The following MDGA2 variants were observed in gnomAD, a reference collection of about 807,000 sequenced individuals.
MDGA2 encodes the protein MAM domain containing glycosylphosphatidylinositol anchor 2, also known as MAM domain-containing glycosylphosphatidylinositol anchor protein 2.
MDGA2 carries 40 observed loss-of-function variants against 117.8 expected under a neutral mutation model. That is an observed-to-expected ratio of 0.34 (90% CI 0.26 to 0.44). The LOEUF (loss-of-function observed/expected upper bound fraction) is 0.44, where lower values mean the gene tolerates loss of function less well. MDGA2 is among the 20% of genes least tolerant of loss of function. The pLI is 1.00. For missense variants in MDGA2, 1,123 were observed against 1,250.6 expected, an observed-to-expected ratio of 0.90 and a Z score of 1.54; for synonymous variants, 452 against 439.0, an observed-to-expected ratio of 1.03 and a Z score of -0.37.
chr14:46,902,116 A>C (rs538224283), intron 10 of MDGA2, among the ~76,000 whole-genome samples: 39 of 152,150 alleles, frequency 2.6e-4, no homozygotes, highest in Non-Finnish European at 4.6e-4. Flanking sequence ...GTTTTATGCA[A>C]ACCATATGCC....
At chr14:47,487,848 T>G (rs1290655263) in intron 1 of MDGA2, among the ~76,000 whole-genome samples, 2 of 152,166 alleles carry the variant, frequency 1.3e-5, no homozygotes, top group African/African-American at 4.8e-5. Flanking sequence ...ACCCCCAAAA[T>G]GTCCATTATA....
At position 47,295,454 on chromosome 14, in the gene MDGA2, G is replaced by A. The variant is rs1364283597; in HGVS notation, c.420+5957C>T. Among the ~76,000 whole-genome samples, 42 of 152,076 alleles carry A rather than the reference G, an allele frequency of 2.8e-4. 1 individual carries two copies. Among genetic ancestry groups the A allele is most frequent in the Admixed American group, 2.7e-3 (41 of 15,270 alleles). Reference sequence around the variant, plus strand: ...CTTTCTACATATGACCTCATTGCAAGAATAAAGCAATGTAACTAAAATCTC... The same window carrying A: ...CTTTCTACATATGACCTCATTGCAAAAATAAAGCAATGTAACTAAAATCTC... On this transcript the variant is annotated intron_variant, in intron 2 of 16. Transcript: ENST00000399232.
intron 1 of MDGA2, among the ~76,000 whole-genome samples, chr14:47,468,430 T>C (rs867470654): frequency 2.0e-5 from 3 of 152,274 alleles, no homozygotes; most frequent in African/African-American, 4.8e-5. Context: ...CTGTGTGCTA[T>C]AAAATTCTTA....
chr14:47,035,294 A>G lies in MDGA2; in HGVS notation c.1536T>C (p.Asn512=). 6.2e-7 allele frequency: 1 copy of G among 1,610,994 alleles called. No homozygotes were observed. ...GTGATTTTTCCTGTGGAACAGTCAG[A>G]TTGGGTGGAACTTGAAATGGGAAAA... is the stretch of plus-strand genomic sequence containing the variant. ...VNISSSTVPP[N]LTVPQEKSPL... Residue 512 remains asparagine (N), a synonymous_variant, in exon 8 of 17, where the codon AAT becomes AAC. Coordinates refer to ENST00000399232, the MANE Select transcript of MDGA2 (RefSeq NM_001113498.3).
intron 1 of MDGA2, among the ~76,000 whole-genome samples, chr14:47,327,112 C>G (rs919262984): frequency 2.0e-5 from 3 of 152,174 alleles, no homozygotes; most frequent in Non-Finnish European, 4.4e-5. Context: ...GGCCTCCAGG[C>G]AGGAGCCATT....
intron 10 of MDGA2, among the ~76,000 whole-genome samples, chr14:46,912,100 A>T (rs1434148142): frequency 6.6e-6 from 1 of 152,134 alleles, no homozygotes; most frequent in Non-Finnish European, 1.5e-5. Context: ...TGCAATCTCC[A>T]TACAGATAGT....
intron 6 of MDGA2, among the ~76,000 whole-genome samples, chr14:47,093,704 G>A (rs1357819583): frequency 1.3e-5 from 2 of 152,028 alleles, no homozygotes; most frequent in African/African-American, 4.8e-5. Flanking sequence ...TACATAGAGT[G>A]TTATCTCCAT....
intron 8 of MDGA2, among the ~76,000 whole-genome samples, chr14:47,002,335 CTTTTT>C (rs1566568902): frequency 6.6e-6 from 1 of 151,926 alleles, no homozygotes; most frequent in African/African-American, 2.4e-5. Flanking sequence ...CTCATAATTT[CTTTTT>C]TTAAGTTTAG....
At chr14:47,149,611 C>A (rs1196349671) in intron 3 of MDGA2, among the ~76,000 whole-genome samples, 1 of 152,136 alleles carries the variant, frequency 6.6e-6, no homozygotes, top group East Asian at 1.9e-4. Flanking sequence ...TTTAGCATTC[C>A]CACTTCTCTG....
In MDGA2 at chr14:47,445,598, G is replaced by GA. The variant is rs537214497; in HGVS notation, c.281-144049dup. Reference sequence around the variant, plus strand: ...ATTAGGTGACAAGGAAAAGCTTCATGAAAAAAATTATTGAAAAAACCCAAG... The same window carrying GA: ...ATTAGGTGACAAGGAAAAGCTTCATGAAAAAAAATTATTGAAAAAACCCAAG... On this transcript the variant is annotated intron_variant, in intron 1 of 16. Coordinates refer to ENST00000399232, the MANE Select transcript of MDGA2 (RefSeq NM_001113498.3). Among the ~76,000 whole-genome samples, 1,389 of 152,076 alleles carry GA rather than the reference G, an allele frequency of 9.1e-3. 10 individuals carry two copies. The highest frequency in any genetic ancestry group is 0.02 in the African/African-American group (829 of 41,520).
intron 9 of MDGA2, among the ~76,000 whole-genome samples, chr14:46,949,744 A>G (rs1885302484): frequency 6.6e-6 from 1 of 152,068 alleles, no homozygotes; most frequent in Admixed American, 6.6e-5. Context: ...TTTTTAATTA[A>G]GTCACCTATT....
intron 7 of MDGA2, among the ~76,000 whole-genome samples, chr14:47,059,757 A>T (rs1396850513): frequency 6.6e-6 from 1 of 152,072 alleles, no homozygotes; most frequent in Non-Finnish European, 1.5e-5. Context: ...GAAACAAACA[A>T]AAAAAACCCA....
At chr14:47,382,807 G>C (rs983111430) in intron 1 of MDGA2, among the ~76,000 whole-genome samples, 2 of 152,170 alleles carry the variant, frequency 1.3e-5, no homozygotes, top group Non-Finnish European at 2.9e-5. Context: ...GATTCCTCAA[G>C]GATCTAGAAC....
chr14:46,911,181 GA>G (rs1181891602), intron 10 of MDGA2, among the ~76,000 whole-genome samples: 2 of 152,192 alleles, frequency 1.3e-5, no homozygotes, highest in Non-Finnish European at 2.9e-5. Flanking sequence ...TAATGCCTAT[GA>G]TATCTAAACT....
intron 2 of MDGA2, among the ~76,000 whole-genome samples, chr14:47,231,423 C>G (rs1886685178): frequency 3.3e-5 from 5 of 152,000 alleles, no homozygotes; most frequent in Admixed American, 3.3e-4. Flanking sequence ...GAGTCCAGAG[C>G]CTGTGCTCAA....
At chr14:47,091,253 CAT>C (rs1184901238) in intron 6 of MDGA2, among the ~76,000 whole-genome samples, 7 of 152,100 alleles carry the variant, frequency 4.6e-5, no homozygotes, top group African/African-American at 1.2e-4. Flanking sequence ...TCACTAAACA[CAT>C]GTTTATTGAG....
In MDGA2 at chr14:47,019,754, G is replaced by A. The variant is rs1293876311; in HGVS notation, c.1819+15257C>T. Among the ~76,000 whole-genome samples, 3 of 150,762 alleles carry A rather than the reference G, an allele frequency of 2.0e-5. No homozygotes were observed. In the Admixed American group the frequency reaches 2.0e-4, roughly 10 times the overall value. On this transcript the variant is annotated intron_variant, in intron 8 of 16. Transcript: ENST00000399232. Reference sequence around the variant, plus strand: ...AGCTACTCAGGACGCTGAGGCAGGAGAATGACGTGAACCCGGGAGGCGGAG... The same window carrying A: ...AGCTACTCAGGACGCTGAGGCAGGAAAATGACGTGAACCCGGGAGGCGGAG...
chr14:47,265,308 C>T (rs890710228), intron 2 of MDGA2, among the ~76,000 whole-genome samples: 1 of 151,974 alleles, frequency 6.6e-6, no homozygotes. Context: ...AATTGTAACA[C>T]CGTGTCATTT....
chr14:47,257,448 C>T (rs1341653842), intron 2 of MDGA2, among the ~76,000 whole-genome samples: 2 of 151,914 alleles, frequency 1.3e-5, no homozygotes, highest in Non-Finnish European at 2.9e-5. Flanking sequence ...TCTTATTTAC[C>T]CCTTGACAAC....
Sources: allele counts gnomAD v4.1 joint callset (sites outside exome capture counted in the v4.1 genomes callset), GRCh38; gene constraint gnomAD v4.1.1; transcripts MANE v1.5; gene names NCBI Gene and HGNC (gene_info 2026-07-23, HGNC 2026-07-21).